Variants in PLEC observed in about 807,000 individuals in gnomAD.
The protein encoded by PLEC is plectin, also known as hemidesmosomal protein 1.
PLEC carries 216 observed loss-of-function variants against 392.8 expected under a neutral mutation model. The observed-to-expected ratio is 0.55, with a 90% CI of 0.49 to 0.62. The LOEUF (loss-of-function observed/expected upper bound fraction) is 0.62. PLEC is among the 20% of genes least tolerant of loss of function. The pLI, the probability that PLEC is intolerant of heterozygous loss-of-function variation, is 0.00. For missense variants in PLEC, 6,863 were observed against 6,563.4 expected (o/e 1.05, Z -1.58); for synonymous variants, 3,621 against 2,980.6 (o/e 1.21, Z -7.00).
chr8:143,919,662 G>C lies in PLEC; in HGVS notation c.10159C>G (p.Leu3387Val). ...RGLLRATTAALLLEAQAATGF... is the reference protein window; with the variant it reads ...RGLLRATTAAVLLEAQAATGF... ...GTGGCCGCCTGCGCCTCCAGCAGGA[G>C]CGCAGCCGTTGTGGCTCTCAGCAGG... Residue 3387 changes from leucine to valine, a missense_variant, in exon 32 of 32, where the codon CTC (leucine) becomes GTC (valine). By Grantham distance (32) the Leu-to-Val change is conservative. Transcript: ENST00000345136. The C allele has an allele frequency of 1.3e-6, 2 of 1,594,678 alleles. No individual in the cohort carries two copies. Among genetic ancestry groups the C allele is most frequent in the Non-Finnish European group, 1.7e-6 (2 of 1,172,566 alleles).
rs531846605 is a variant in PLEC at position 143,922,960 on chromosome 8, C to T, written c.6969G>A (p.Thr2323=). 14 of 1,610,290 alleles carry T rather than the reference C, an allele frequency of 8.7e-6. No individual in the cohort carries two copies. The highest frequency in any genetic ancestry group is 4.5e-5 in the East Asian group (2 of 44,770). ...GCAGTTCCGCCTCAGCCTTGAGTCG[C>T]GTGGCCTCCTGCACCGCCTGCATCT... ...KEKMQAVQEA[T]RLKAEAELLQ... is the part of the protein sequence containing the mutation. The change falls in exon 31 of 32, where the codon ACG becomes ACA. Residue 2323 remains threonine, a synonymous_variant. Transcript: ENST00000345136.
At chr8:143,951,640 G>C (rs554606421), upstream of PLEC, among the ~76,000 whole-genome samples, 5 of 152,116 alleles carry the variant, frequency 3.3e-5, no homozygotes, top group Admixed American at 2.0e-4. Flanking sequence ...CTCCAACCCA[G>C]CTGTTGGAGG....
Position 143,918,196 on chromosome 8 carries a change from C to T in PLEC, c.11625G>A (p.Leu3875=), listed in dbSNP as rs1554674323. ...RRDDGTGQLL[L]PLSDARKLTF... ...TCAGCTTGCGGGCGTCCGACAGTGG[C>T]AGGAGCAGCTGGCCGGTGCCGTCGT... The change falls in exon 32 of 32, where the codon CTG becomes CTA. Residue 3875 remains leucine, a synonymous_variant. Coordinates refer to ENST00000345136, the MANE Select transcript of PLEC (RefSeq NM_201384.3). The T allele has an allele frequency of 4.4e-6, 7 of 1,588,364 alleles. No individual in the cohort carries two copies. The South Asian group carries it at 4.4e-5, about 10-fold the overall frequency.
At chr8:143,961,042 A>G (rs78731895) in intron 1 of PLEC, among the ~76,000 whole-genome samples, 2,995 of 152,300 alleles carry the variant, frequency 0.02, 64 homozygotes, top group Admixed American at 0.035. Flanking sequence ...GCCAGTGACC[A>G]TCGTCTGCTC....
rs1825647389 is a variant in PLEC at position 143,927,485 on chromosome 8, C to A, written c.3681G>T (p.Arg1227Ser). 6 of 1,596,908 alleles carry A rather than the reference C, an allele frequency of 3.8e-6. No individual in the cohort carries two copies. The East Asian group carries it at 1.3e-4, about 36-fold the overall frequency. Residue 1227 changes from arginine to serine, a missense_variant, in exon 27 of 32, where the codon AGG becomes AGT. Arg to Ser is a moderately radical substitution (Grantham distance 110). Coordinates refer to ENST00000345136, the MANE Select transcript of PLEC (RefSeq NM_201384.3). ...DPLGAWLQDA[R>S]RRQEQIQAMP... ...TGGCCTGGATCTGCTCCTGCCGCCG[C>A]CTGGCGTCCTGCAGCCAGGCGCCCA...
chr8:143,951,389 G>A (rs1832133096), upstream of PLEC, among the ~76,000 whole-genome samples: 3 of 152,144 alleles, frequency 2.0e-5, no homozygotes, highest in South Asian at 4.1e-4. Flanking sequence ...GAGGAAGTCC[G>A]AGGGGAGCGG....
chr8:143,918,319 G>A lies in PLEC; in HGVS notation c.11502C>T (p.His3834=), dbSNP rs370318386. ...YQRGYLNKDT[H]DQLSEPSEVR... Reference sequence around the variant, plus strand: ...CCTCGCTGGGCTCTGACAGCTGGTCGTGCGTGTCCTTGTTGAGGTAGCCAC... The same window carrying A: ...CCTCGCTGGGCTCTGACAGCTGGTCATGCGTGTCCTTGTTGAGGTAGCCAC... Residue 3834 remains histidine (H), a synonymous_variant, in exon 32 of 32, where the codon CAC becomes CAT. Transcript: ENST00000345136. 2.5e-5 allele frequency: 40 copies of A among 1,589,196 alleles called. No homozygotes were observed. The highest frequency in any genetic ancestry group is 4.5e-5 in the East Asian group (2 of 44,422).
Position 143,932,986 on chromosome 8 carries a change from G to C in PLEC, c.1544C>G (p.Pro515Arg). ...QVTLQSVQRR[P>R]ELEDSTLRYL... ...GCGCAGAGTGGAGTCCTCCAGCTCG[G>C]GGCGCCTCTGCACACTCTGCAGAGT... The change falls in exon 14 of 32, where the codon CCC becomes CGC. Residue 515 changes from proline (P) to arginine (R), a missense_variant. Physicochemically the swap from Pro to Arg is moderately radical, Grantham distance 103. Coordinates refer to ENST00000345136, the MANE Select transcript of PLEC (RefSeq NM_201384.3). 6.2e-7 allele frequency: 1 copy of C among 1,610,852 alleles called. No homozygotes were observed. The highest frequency in any genetic ancestry group is 8.5e-7 in the Non-Finnish European group (1 of 1,179,314).
In PLEC at chr8:143,969,839, T is replaced by C. The variant is rs1554743618; in HGVS notation, c.70+3564A>G. ...GTGGTCCTGGAGAGGGCAGCAGGGGTGAGAATGAGGCCGGGGTGAGTACCG... is the reference window on the plus strand; with the variant it reads ...GTGGTCCTGGAGAGGGCAGCAGGGGCGAGAATGAGGCCGGGGTGAGTACCG... On this transcript the variant is annotated intron_variant, in intron 1 of 31. Coordinates refer to the PLEC transcript ENST00000356346. The surrounding 1 kb of genome is among the most constrained non-coding windows in gnomAD (Gnocchi z 5.1). Among the ~76,000 whole-genome samples, 1 of 140,708 alleles carries C rather than the reference T, an allele frequency of 7.1e-6. No individual in the cohort carries two copies. Among genetic ancestry groups the C allele is most frequent in the Non-Finnish European group, 1.5e-5 (1 of 65,322 alleles). 92.3% of individuals were successfully genotyped at this position (140,708 alleles called of 152,430 possible).
exon 1 of PLEC, chr8:143,950,667 C>A (rs1403490971): frequency 1.3e-6 from 2 of 1,579,196 alleles, no homozygotes; most frequent in Admixed American, 1.8e-5. Context: ...TCATAGATGG[C>A]CCGCAGCTGG....
Position 143,932,498 on chromosome 8 carries a change from T to C in PLEC, c.1879A>G (p.Lys627Glu), listed in dbSNP as rs782127815. 1.2e-6 allele frequency: 2 copies of C among 1,611,138 alleles called. No individual in the cohort carries two copies. Among genetic ancestry groups the C allele is most frequent in the Admixed American group, 1.7e-5 (1 of 60,012 alleles). Residue 627 changes from lysine to glutamate, a missense_variant, in exon 16 of 32, where the codon AAG becomes GAG. By Grantham distance (56) the Lys-to-Glu change is moderately conservative. Transcript: ENST00000345136. ...TTCTCATTCAGCCACATTAGCTCCT[T>C]AGTGGCGGCTGCCACAAAGCTGTGC... ...SLHSFVAAAT[K>E]ELMWLNEKEE...
At chr8:143,957,815 C>G (rs1334805394), upstream of PLEC, among the ~76,000 whole-genome samples, 1 of 151,450 alleles carries the variant, frequency 6.6e-6, no homozygotes, top group Non-Finnish European at 1.5e-5. Flanking sequence ...ACCCACCCAC[C>G]CAGCCCCTAA....
chr8:143,973,715 T>A (rs2132994824), upstream of PLEC, among the ~76,000 whole-genome samples: 1 of 151,136 alleles, frequency 6.6e-6, no homozygotes, highest in South Asian at 2.1e-4. This position sits in a 1 kb window ranked among gnomAD's most constrained non-coding sequence, Gnocchi z 5.6. Flanking sequence ...GCACGCCCTT[T>A]CCCGTTCTCG....
exon 1 of PLEC, chr8:143,950,721 G>A: frequency 6.4e-7 from 1 of 1,552,102 alleles, no homozygotes; most frequent in Non-Finnish European, 8.7e-7. Flanking sequence ...GCTGGAGCCG[G>A]GCAGTCAGTG....
intron 1 of PLEC, among the ~76,000 whole-genome samples, chr8:143,966,622 C>G (rs1430111777): frequency 6.6e-6 from 1 of 151,592 alleles, no homozygotes; most frequent in African/African-American, 2.4e-5. Context: ...TCAAGCCACA[C>G]CTGCCACAGG....
chr8:143,944,820 G>T, intron 1 of PLEC: 1 of 701,692 alleles, frequency 1.4e-6, no homozygotes, highest in Non-Finnish European at 2.1e-6. Flanking sequence ...GGGGAGGGGA[G>T]CAGTGGGCAG....
Position 143,922,718 on chromosome 8 carries a change from T to C in PLEC, c.7211A>G (p.Gln2404Arg), listed in dbSNP as rs1554690253. The stretch of plus-strand genomic sequence containing the variant: ...CTCCTCCGCCTGCTTCCGGAAGCGC[T>C]GGGCGTCCTCCTCAGCGCGGGCCTG... ...RAQARAEEDA[Q>R]RFRKQAEEIG... Residue 2404 changes from glutamine to arginine, a missense_variant, in exon 31 of 32, where the codon CAG (glutamine) becomes CGG (arginine). Coordinates refer to ENST00000345136, the MANE Select transcript of PLEC (RefSeq NM_201384.3). 4 of 1,612,062 alleles carry C rather than the reference T, an allele frequency of 2.5e-6. No homozygotes were observed. The Admixed American group carries it at 6.7e-5, about 27-fold the overall frequency.
intron 1 of PLEC, among the ~76,000 whole-genome samples, chr8:143,946,023 G>GTT (rs1396592569): frequency 6.6e-6 from 1 of 152,256 alleles, no homozygotes; most frequent in Non-Finnish European, 1.5e-5. Context: ...CAGGCCGGAC[G>GTT]TTTCAGCCCA....
intron 24 of PLEC, 56 bp from the exon 25 acceptor site, chr8:143,929,337 C>A (rs1164996464): frequency 6.3e-7 from 1 of 1,584,212 alleles, no homozygotes; most frequent in Non-Finnish European, 8.5e-7. Context: ...CACAGCGCCC[C>A]TTGAAGGCCA....
Sources: allele counts gnomAD v4.1 joint callset (sites outside exome capture counted in the v4.1 genomes callset), GRCh38; gene constraint gnomAD v4.1.1; non-coding constraint Gnocchi (gnomAD v3.1); transcripts MANE v1.5; gene names NCBI Gene and HGNC (gene_info 2026-07-23, HGNC 2026-07-21).